The following PRKCZ variants were observed in gnomAD, a reference collection of about 807,000 sequenced individuals.
The protein encoded by PRKCZ is protein kinase C zeta, also known as protein kinase C zeta type.
A neutral mutation model predicts 79.5 loss-of-function variants in PRKCZ; 33 were observed. That is an observed-to-expected ratio of 0.41 (90% confidence interval 0.31 to 0.55). PRKCZ has a LOEUF of 0.55. Among genes scored for constraint, PRKCZ ranks in the 20% least tolerant of loss-of-function variants. PRKCZ has a pLI of 0.19. For synonymous variants in PRKCZ, 342 were observed against 320.9 expected, an observed-to-expected ratio of 1.07 and a Z score of -0.70; for missense variants, 578 against 813.5, an observed-to-expected ratio of 0.71 and a Z score of 3.52.
chr1:2,061,496 G>A (rs921531780), intron 4 of PRKCZ, among the ~76,000 whole-genome samples: 3 of 152,178 alleles, frequency 2.0e-5, no homozygotes, highest in African/African-American at 4.8e-5. Context: ...TGGGGAATGC[G>A]GAGAATGTGG....
intron 1 of PRKCZ, 86 bp from the exon 2 acceptor site, chr1:2,055,355 C>G (rs1571079080): frequency 6.8e-7 from 1 of 1,462,470 alleles, no homozygotes; most frequent in East Asian, 2.4e-5. Context: ...TTTATCTAAT[C>G]AATGATTTGG....
At chr1:2,084,832 C>A (rs764659844) in intron 4 of PRKCZ, among the ~76,000 whole-genome samples, 1 of 152,038 alleles carries the variant, frequency 6.6e-6, no homozygotes, top group Non-Finnish European at 1.5e-5. Flanking sequence ...CATGGCAAAA[C>A]CCCATCTCTA....
chr1:2,181,635 G>A (rs1053561320), intron 16 of PRKCZ, among the ~76,000 whole-genome samples: 4 of 152,174 alleles, frequency 2.6e-5, no homozygotes, highest in Non-Finnish European at 4.4e-5. Flanking sequence ...TGGGGATGCT[G>A]TCAGGGAAAC....
At chr1:2,051,703 C>T (rs6693374) in intron 1 of PRKCZ, among the ~76,000 whole-genome samples, 39,252 of 152,074 alleles carry the variant, frequency 0.26, 5,856 homozygotes, top group East Asian at 0.48. Context: ...CCCCGGGCCA[C>T]GTCCTCTCAG....
chr1:2,080,581 T>C (rs1274705970), intron 4 of PRKCZ, among the ~76,000 whole-genome samples: 1 of 152,186 alleles, frequency 6.6e-6, no homozygotes, highest in Non-Finnish European at 1.5e-5. Context: ...CAGTTTTGGA[T>C]TTACAGAAAA....
intron 4 of PRKCZ, among the ~76,000 whole-genome samples, chr1:2,112,878 G>GGC (rs1212613236): frequency 6.6e-6 from 1 of 152,172 alleles, no homozygotes; most frequent in Non-Finnish European, 1.5e-5. Context: ...ATTTGGTAGA[G>GGC]GCGGGGTTTC....
chr1:2,122,634 T>C (rs866930450), intron 4 of PRKCZ, among the ~76,000 whole-genome samples: 1 of 4,910 alleles, frequency 2.0e-4, no homozygotes, highest in Non-Finnish European at 3.1e-4. Flanking sequence ...TGGTTAGGGT[T>C]GTGGTGGTTA....
rs563883515 is a variant in PRKCZ at position 2,101,274 on chromosome 1, A to C, written c.335-33988A>C. ...GGTTACTAAAGCTGTCTTGCATCTC[A>C]AATGTGATTTAAGAAATCAAGCAAA... On this transcript the variant is annotated intron_variant, in intron 4 of 17. Coordinates refer to ENST00000378567, the MANE Select transcript of PRKCZ (RefSeq NM_002744.6). 5.3e-5 allele frequency among the ~76,000 whole-genome samples: 8 copies of C among 152,282 alleles called. No individual in the cohort carries two copies. The East Asian group carries it at 1.5e-3, about 29-fold the overall frequency.
At chr1:2,148,360 T>TC (rs939526857) in intron 7 of PRKCZ, among the ~76,000 whole-genome samples, 4 of 152,198 alleles carry the variant, frequency 2.6e-5, no homozygotes, top group Non-Finnish European at 5.9e-5. Context: ...CACTGACCTC[T>TC]CCATCTATCC....
intron 6 of PRKCZ, chr1:2,145,037 A>G (rs930008632): frequency 2.0e-5 from 3 of 152,476 alleles, no homozygotes; most frequent in African/African-American, 7.2e-5. Context: ...TGTGGCAGTG[A>G]CGTGCCCTCT....
At chr1:2,124,859 G>T (rs1673563621) in intron 4 of PRKCZ, among the ~76,000 whole-genome samples, 1 of 152,138 alleles carries the variant, frequency 6.6e-6, no homozygotes, top group African/African-American at 2.4e-5. Flanking sequence ...TCTGGTCTCG[G>T]ATGCCTCCAA....
intron 4 of PRKCZ, among the ~76,000 whole-genome samples, chr1:2,121,631 C>CGTGGTGGT (rs1671984704): frequency 8.8e-5 from 5 of 56,892 alleles, no homozygotes; most frequent in African/African-American, 2.4e-4. Context: ...TGGTTAGGGT[C>CGTGGTGGT]ACAGTGGTAG....
intron 4 of PRKCZ, among the ~76,000 whole-genome samples, chr1:2,101,630 G>A (rs564424554): frequency 6.1e-4 from 93 of 152,294 alleles, no homozygotes; most frequent in African/African-American, 1.9e-3. Flanking sequence ...CAAGTGCCCT[G>A]GGCTTCAGTT....
intron 7 of PRKCZ, among the ~76,000 whole-genome samples, chr1:2,148,460 C>T (rs957413935): frequency 2.0e-5 from 3 of 152,314 alleles, no homozygotes; most frequent in South Asian, 2.1e-4. Flanking sequence ...CCACTGACCT[C>T]TCCATCTATC....
At chr1:2,166,099 G>A (rs1475991159) in intron 10 of PRKCZ, among the ~76,000 whole-genome samples, 3 of 152,146 alleles carry the variant, frequency 2.0e-5, no homozygotes, top group South Asian at 2.1e-4. Context: ...TTTTGCTGGC[G>A]TTCTTCACGT....
rs932396990 is a variant in PRKCZ at position 2,082,194 on chromosome 1, C to T, written c.334+22603C>T. The T allele has an allele frequency of 2.0e-5, 7 of 351,254 alleles. No homozygotes were observed. Among genetic ancestry groups the T allele is most frequent in the South Asian group, 4.2e-5 (2 of 47,372 alleles). 21.8% of individuals were successfully genotyped at this position (351,254 alleles called of 1,614,324 possible). Reference sequence around the variant, plus strand: ...GGTTCTTTGCAGCCCTTGGCAGCGTCGCCCGCTCTGTCCCGCCTGTTGTGT... The same window carrying T: ...GGTTCTTTGCAGCCCTTGGCAGCGTTGCCCGCTCTGTCCCGCCTGTTGTGT... On this transcript the variant is annotated intron_variant, in intron 4 of 17. Transcript: ENST00000378567. The surrounding 1 kb of genome is among the most constrained non-coding windows in gnomAD (Gnocchi z 4.4).
At chr1:2,062,823 C>T (rs1660810965) in intron 4 of PRKCZ, among the ~76,000 whole-genome samples, 1 of 152,092 alleles carries the variant, frequency 6.6e-6, no homozygotes, top group Admixed American at 6.6e-5. Flanking sequence ...GTTCAATTCA[C>T]TGGTATTCGA....
chr1:2,084,901 G>T (rs545041030), intron 4 of PRKCZ, among the ~76,000 whole-genome samples: 1 of 152,152 alleles, frequency 6.6e-6, no homozygotes, highest in African/African-American at 2.4e-5. Context: ...CCAGCTCCTC[G>T]GGGAGGCTGA....
In PRKCZ at chr1:2,057,928, C is replaced by T. The variant is rs369886199; in HGVS notation, c.283+1355C>T. ...TGTCGCCCAGGCTGGAGTGCAGTGA[C>T]GCGATCTCAGCTCAATGCAACCTCC... On this transcript the variant is annotated intron_variant, in intron 3 of 17. Coordinates refer to ENST00000378567, the MANE Select transcript of PRKCZ (RefSeq NM_002744.6). 7.3e-4 allele frequency among the ~76,000 whole-genome samples: 110 copies of T among 151,562 alleles called. 3 individuals are homozygous for T. In the East Asian group the frequency reaches 0.011, roughly 15 times the overall value.
Sources: gnomAD v4.1 joint callset for allele counts (sites outside exome capture counted in the v4.1 genomes callset) on GRCh38, gnomAD v4.1.1 for gene constraint, Gnocchi (gnomAD v3.1) non-coding constraint, MANE v1.5 for transcripts, NCBI Gene and HGNC (gene_info 2026-07-23, HGNC 2026-07-21) for gene names.